The following PTPRD variants were observed in gnomAD, a reference collection of about 807,000 sequenced individuals.
PTPRD encodes receptor-type tyrosine-protein phosphatase delta.
In PTPRD, 34 loss-of-function variants were observed where a neutral mutation model predicts 214.5. The ratio of observed to expected loss-of-function variants is 0.16; its 90% confidence interval spans 0.12 to 0.21. The LOEUF (loss-of-function observed/expected upper bound fraction) is 0.21, where lower values mean the gene tolerates loss of function less well. Ranked by LOEUF, PTPRD falls within the 10% of genes least tolerant of loss-of-function variation. PTPRD has a pLI of 1.00. For missense variants in PTPRD, 2,545 were observed against 2,398.7 expected (o/e 1.06, Z -1.27); for synonymous variants, 1,128 against 845.7 (o/e 1.33, Z -5.79).
chr9:9,869,885 T>C (rs2064988309), intron 5 of PTPRD, among the ~76,000 whole-genome samples: 1 of 151,676 alleles, frequency 6.6e-6, no homozygotes, highest in Non-Finnish European at 1.5e-5. Flanking sequence ...TTGAGACAAG[T>C]GGGAAAACAA....
chr9:8,463,308 CAAA>C (rs71308864), intron 32 of PTPRD, among the ~76,000 whole-genome samples: 6 of 28,860 alleles, frequency 2.1e-4, no homozygotes, highest in Admixed American at 4.3e-4. Flanking sequence ...CAGAGGCAGC[CAAA>C]AAAAAAAAAA....
At chr9:9,268,402 T>A (rs1238426799) in intron 9 of PTPRD, among the ~76,000 whole-genome samples, 1 of 150,966 alleles carries the variant, frequency 6.6e-6, no homozygotes, top group Non-Finnish European at 1.5e-5. Context: ...GGTGATGGAT[T>A]GAAAAAAAAA....
At chr9:8,815,457 A>G (rs940544858) in intron 11 of PTPRD, among the ~76,000 whole-genome samples, 23 of 152,256 alleles carry the variant, frequency 1.5e-4, no homozygotes, top group Non-Finnish European at 1.8e-4. Context: ...CTCAGATGAA[A>G]GGATTCATTT....
chr9:10,079,898 A>C (rs576643040), intron 3 of PTPRD, among the ~76,000 whole-genome samples: 1 of 152,118 alleles, frequency 6.6e-6, no homozygotes, highest in South Asian at 2.1e-4. Context: ...ATACATGAAT[A>C]AAACTTCAGA....
intron 12 of PTPRD, among the ~76,000 whole-genome samples, chr9:8,731,392 G>A (rs962839505): frequency 1.3e-5 from 2 of 152,136 alleles, no homozygotes; most frequent in African/African-American, 4.8e-5. Context: ...ACGAAACACA[G>A]TTAGGTAAAA....
chr9:9,738,359 T>G (rs979489869), intron 6 of PTPRD, among the ~76,000 whole-genome samples: 1 of 152,060 alleles, frequency 6.6e-6, no homozygotes, highest in Non-Finnish European at 1.5e-5. Context: ...CTAATAATGT[T>G]GAACATTTTT....
chr9:9,880,406 T>C (rs773455297), intron 5 of PTPRD, among the ~76,000 whole-genome samples: 4 of 152,214 alleles, frequency 2.6e-5, no homozygotes. Flanking sequence ...AAAATGTTAA[T>C]GTACTCCTCA....
intron 2 of PTPRD, among the ~76,000 whole-genome samples, chr9:10,381,094 A>T (rs907909522): frequency 6.6e-6 from 1 of 151,826 alleles, no homozygotes; most frequent in Non-Finnish European, 1.5e-5. Flanking sequence ...TAATTAAAAT[A>T]TAAGACCAAA....
intron 35 of PTPRD, among the ~76,000 whole-genome samples, chr9:8,408,892 G>T (rs1392733083): frequency 6.6e-6 from 1 of 151,520 alleles, no homozygotes; most frequent in Non-Finnish European, 1.5e-5. Context: ...GTGATTTAAA[G>T]AACAACGGGA....
intron 10 of PTPRD, chr9:9,090,823 G>T: frequency 1.4e-6 from 1 of 735,300 alleles, no homozygotes; most frequent in East Asian, 2.5e-5. Context: ...ACATCTCAAT[G>T]ATATCTTATT....
chr9:8,411,311 A>G (rs943048052), intron 35 of PTPRD, among the ~76,000 whole-genome samples: 3 of 151,742 alleles, frequency 2.0e-5, no homozygotes, highest in Non-Finnish European at 2.9e-5. Flanking sequence ...TTTTATTTTT[A>G]TTTTTATTTT....
At chr9:9,634,539 T>C (rs1226336051) in intron 7 of PTPRD, among the ~76,000 whole-genome samples, 2 of 152,176 alleles carry the variant, frequency 1.3e-5, no homozygotes, top group Non-Finnish European at 2.9e-5. Context: ...TAATTGTTTC[T>C]ACCATAAGAG....
intron 5 of PTPRD, among the ~76,000 whole-genome samples, chr9:9,906,109 T>G (rs559482104): frequency 7.2e-5 from 11 of 152,128 alleles, no homozygotes; most frequent in African/African-American, 2.4e-4. Flanking sequence ...TGGAGTTTTG[T>G]GCAGGCATAC....
At chr9:9,173,263 T>C (rs777682708) in intron 10 of PTPRD, among the ~76,000 whole-genome samples, 2 of 152,192 alleles carry the variant, frequency 1.3e-5, no homozygotes, top group African/African-American at 2.4e-5. Context: ...TACTCAATAC[T>C]TTAATTTTAT....
In PTPRD at chr9:9,012,063, G is replaced by C. The variant is rs565854530; in HGVS notation, c.-104+6634C>G. Among the ~76,000 whole-genome samples the C allele has an allele frequency of 5.3e-4, 81 of 152,228 alleles. 1 individual carries two copies. The highest frequency in any genetic ancestry group is 1.9e-3 in the African/African-American group (79 of 41,530). On this transcript the variant is annotated intron_variant, in intron 11 of 45. Transcript: ENST00000381196. ...CCCTTTCTGACTTTAAAGAAGCAAG[G>C]TACCATGTTGTGAGAGGGCCTATGG...
chr9:10,470,216 A>G (rs1261123279), intron 2 of PTPRD, among the ~76,000 whole-genome samples: 1 of 152,166 alleles, frequency 6.6e-6, no homozygotes, highest in Non-Finnish European at 1.5e-5. Flanking sequence ...GTATCAAAAT[A>G]TAATACACAC....
At position 9,277,357 on chromosome 9, in the gene PTPRD, G is replaced by C. The variant is rs543693085; in HGVS notation, c.-202-93994C>G. On this transcript the variant is annotated intron_variant, in intron 9 of 45. Coordinates refer to ENST00000381196, the MANE Select transcript of PTPRD (RefSeq NM_002839.4). ...TTCAGGATGTTACATCTCACTATCT[G>C]GTATTGATAGAGCTGCAAAAGTAAA... 4.8e-4 allele frequency among the ~76,000 whole-genome samples: 73 copies of C among 151,110 alleles called. 1 individual carries two copies. Among genetic ancestry groups the C allele is most frequent in the Admixed American group, 1.1e-3 (16 of 15,102 alleles).
intron 9 of PTPRD, among the ~76,000 whole-genome samples, chr9:9,290,187 A>G (rs1372453376): frequency 6.6e-6 from 1 of 151,674 alleles, no homozygotes; most frequent in Non-Finnish European, 1.5e-5. Context: ...TGTGGTTTTG[A>G]TTTGCATTAT....
chr9:10,078,126 GA>G lies in PTPRD; in HGVS notation c.-544-44337del, dbSNP rs573521141. On this transcript the variant is annotated intron_variant, in intron 3 of 45. Transcript: ENST00000381196. Reference sequence around the variant, plus strand: ...AACTTAGTAACTCCAAAATAAGAAAGAAAAAAAATCTTTAAACATACATACA... The same window carrying G: ...AACTTAGTAACTCCAAAATAAGAAAGAAAAAAATCTTTAAACATACATACA... Among the ~76,000 whole-genome samples the G allele has an allele frequency of 9.7e-4, 147 of 151,326 alleles. 2 individuals are homozygous for G. The South Asian group carries it at 0.022, about 23-fold the overall frequency.
Sources: allele counts gnomAD v4.1 joint callset (sites outside exome capture counted in the v4.1 genomes callset), GRCh38; gene constraint gnomAD v4.1.1; transcripts MANE v1.5; gene names NCBI Gene and HGNC (gene_info 2026-07-23, HGNC 2026-07-21).